SYNE1: variants seen among roughly 807,000 people sequenced by gnomAD.
The protein encoded by SYNE1 is spectrin repeat containing nuclear envelope protein 1, also known as nesprin-1.
SYNE1 carries 616 observed loss-of-function variants against 1,111.0 expected under a neutral mutation model. The ratio of observed to expected loss-of-function variants is 0.55; its 90% CI spans 0.52 to 0.59. The LOEUF is 0.59. Ranked by LOEUF, SYNE1 falls within the 20% of genes least tolerant of loss-of-function variation. SYNE1 has a pLI of 0.00. For synonymous variants in SYNE1, 3,855 were observed against 3,825.8 expected, an observed-to-expected ratio of 1.01 and a Z score of -0.28; for missense variants, 10,006 against 10,417.0, an observed-to-expected ratio of 0.96 and a Z score of 1.72.
At chr6:152,469,789 G>A (rs75207375) in intron 16 of SYNE1, among the ~76,000 whole-genome samples, 3,214 of 152,030 alleles carry the variant, frequency 0.021, 135 homozygotes, top group African/African-American at 0.074. Context: ...AGCGTGTGCC[G>A]CCAGGAGCAA....
intron 121 of SYNE1, among the ~76,000 whole-genome samples, chr6:152,217,825 C>A (rs1002157747): frequency 6.6e-6 from 1 of 152,166 alleles, no homozygotes; most frequent in Admixed American, 6.5e-5. Context: ...TCAGCCTGTG[C>A]CCACTGCCAG....
intron 5 of SYNE1, among the ~76,000 whole-genome samples, chr6:152,521,688 G>A (rs1161120315): frequency 6.6e-6 from 1 of 152,064 alleles, no homozygotes; most frequent in East Asian, 1.9e-4. Flanking sequence ...CACATCTGTT[G>A]CCCAGGTTTT....
At chr6:152,517,065 G>A (rs2099116001) in intron 6 of SYNE1, among the ~76,000 whole-genome samples, 1 of 152,168 alleles carries the variant, frequency 6.6e-6, no homozygotes, top group South Asian at 2.1e-4. Flanking sequence ...CTAATGCCTG[G>A]AATCTCTCTT....
In SYNE1 at chr6:152,331,130, C is replaced by T. The variant is rs571224180; in HGVS notation, c.13555G>A (p.Glu4519Lys). Residue 4519 changes from glutamate (E) to lysine (K), a missense_variant, in exon 78 of 146, where the codon GAA (glutamate) becomes AAA (lysine). Coordinates refer to ENST00000367255, the MANE Select transcript of SYNE1 (RefSeq NM_182961.4). ...EVTGLWAQGRELMKEVTEQEK... is the reference protein window; with the variant it reads ...EVTGLWAQGRKLMKEVTEQEK... ...TGCTCTGTGACTTCCTTCATTAGTT[C>T]GCGACCCTGGGCCCAAAGTCCAGTG... 57 of 1,614,132 alleles carry T rather than the reference C, an allele frequency of 3.5e-5. 1 individual carries two copies. Among genetic ancestry groups the T allele is most frequent in the South Asian group, 2.6e-4 (24 of 91,080 alleles).
At chr6:152,240,078 C>T (rs559909363) in intron 107 of SYNE1, among the ~76,000 whole-genome samples, 5 of 152,142 alleles carry the variant, frequency 3.3e-5, no homozygotes, top group Non-Finnish European at 7.3e-5. Flanking sequence ...GCTGAGTAGA[C>T]AGCTCTGCAT....
intron 122 of SYNE1, among the ~76,000 whole-genome samples, chr6:152,214,484 T>A (rs1270251411): frequency 6.6e-6 from 1 of 152,216 alleles, no homozygotes; most frequent in Non-Finnish European, 1.5e-5. Flanking sequence ...TGTGAATGTA[T>A]CCCTTCCATA....
intron 30 of SYNE1, among the ~76,000 whole-genome samples, chr6:152,444,115 G>T (rs773563896): frequency 4.6e-5 from 7 of 152,286 alleles, no homozygotes; most frequent in Admixed American, 2.0e-4. Flanking sequence ...AATCTAGCAC[G>T]TTTTGTGCAG....
In SYNE1 at chr6:152,174,639, A is replaced by G. The variant is rs368129850; in HGVS notation, c.23627+1755T>C. Among the ~76,000 whole-genome samples, 150 of 152,278 alleles carry G rather than the reference A, an allele frequency of 9.9e-4. 2 individuals are homozygous for G. In the South Asian group the frequency reaches 0.018, roughly 18 times the overall value. On this transcript the variant is annotated intron_variant, in intron 130 of 145. Coordinates refer to ENST00000367255, the MANE Select transcript of SYNE1 (RefSeq NM_182961.4). ...CTCTAACAGGGAAAAGGAAGTCACA[A>G]ACTTGAGAGGCAGGAGGGCACAGCA...
At chr6:152,338,992 A>G (rs558645380) in intron 75 of SYNE1, among the ~76,000 whole-genome samples, 1 of 152,360 alleles carries the variant, frequency 6.6e-6, no homozygotes, top group South Asian at 2.1e-4. Context: ...GAAAAAAGAA[A>G]GGTTCTAATG....
chr6:152,456,728 A>T (rs1222068799), intron 22 of SYNE1: 1 of 450,628 alleles, frequency 2.2e-6, no homozygotes, highest in Non-Finnish European at 4.4e-6. Flanking sequence ...ACAGCATGGA[A>T]ATCATTGAGC....
intron 2 of SYNE1, among the ~76,000 whole-genome samples, chr6:152,629,100 G>A (rs781670907): frequency 6.6e-6 from 1 of 152,124 alleles, no homozygotes; most frequent in African/African-American, 2.4e-5. Flanking sequence ...AAATGGGTAT[G>A]ATTTAGTTTT....
Position 152,520,543 on chromosome 6 carries a change from C to G in SYNE1, c.226-1G>C. ...TCATCCGGCGTCCTTGTTCACAAGG[C>G]TGTAAAAAGTGGGGTAAAAAAGGGA... On this transcript the variant is annotated splice_acceptor_variant, in intron 5 of 145. Coordinates refer to ENST00000367255, the MANE Select transcript of SYNE1 (RefSeq NM_182961.4). LOFTEE classifies it high-confidence loss of function. The G allele has an allele frequency of 5.6e-6, 9 of 1,613,488 alleles. No homozygotes were observed. Among genetic ancestry groups the G allele is most frequent in the Non-Finnish European group, 7.6e-6 (9 of 1,179,630 alleles).
At chr6:152,151,230 AAAAAC>A (rs1021774886) in intron 135 of SYNE1, among the ~76,000 whole-genome samples, 3 of 151,796 alleles carry the variant, frequency 2.0e-5, no homozygotes, top group Non-Finnish European at 2.9e-5. Context: ...TAAAAAAAAA[AAAAAC>A]AAAACAACAA....
intron 128 of SYNE1, among the ~76,000 whole-genome samples, chr6:152,181,676 T>A (rs2153192198): frequency 6.6e-6 from 1 of 152,232 alleles, no homozygotes; most frequent in East Asian, 1.9e-4. Flanking sequence ...TTCCATTGTA[T>A]GAATATACCA....
At chr6:152,573,885 G>A (rs914701713) in intron 3 of SYNE1, among the ~76,000 whole-genome samples, 1 of 152,096 alleles carries the variant, frequency 6.6e-6, no homozygotes, top group Non-Finnish European at 1.5e-5. Context: ...CAGGTTCATT[G>A]TTAGATACAG....
rs557623697 is a variant in SYNE1, at chr6:152,310,999, C to T, written c.16711-126G>A. The T allele has an allele frequency of 2.1e-4, 191 of 927,220 alleles. 1 individual carries two copies. The African/African-American group carries it at 2.9e-3, about 14-fold the overall frequency. The allele number at this position is 927,220 out of a possible 1,614,324, so 57.4% of individuals were successfully genotyped here. A position where few individuals can be genotyped will look rare whatever the true frequency, so the allele number is the denominator to read the frequency against. On this transcript the variant is annotated intron_variant, in intron 87 of 145. Coordinates refer to ENST00000367255, the MANE Select transcript of SYNE1 (RefSeq NM_182961.4). ...TCCGTTATTGTGTTTAACCTTCACC[C>T]CCCATGACCACTTTCTACTTGGTAG...
At chr6:152,438,622 T>C (rs1197417941) in intron 32 of SYNE1, among the ~76,000 whole-genome samples, 2 of 152,198 alleles carry the variant, frequency 1.3e-5, no homozygotes, top group East Asian at 3.9e-4. Context: ...TGGCCACATC[T>C]CTCTGAATTT....
intron 59 of SYNE1, 25 bp downstream of exon 59, chr6:152,373,012 C>T (rs767454325): frequency 1.2e-6 from 2 of 1,606,050 alleles, no homozygotes; most frequent in Non-Finnish European, 1.7e-6. Context: ...ACACAGAATG[C>T]TTCCATGTGG....
intron 131 of SYNE1, among the ~76,000 whole-genome samples, chr6:152,161,223 T>C (rs1437450903): frequency 1.4e-5 from 2 of 146,582 alleles, no homozygotes; most frequent in Non-Finnish European, 3.0e-5. Flanking sequence ...AATATATTTT[T>C]ACATTACTAC....
Sources: allele counts gnomAD v4.1 joint callset (sites outside exome capture counted in the v4.1 genomes callset), GRCh38; gene constraint gnomAD v4.1.1; transcripts MANE v1.5; gene names NCBI Gene and HGNC (gene_info 2026-07-23, HGNC 2026-07-21).